The following AGAP1 variants were observed in gnomAD, a reference collection of about 807,000 sequenced individuals.
The protein encoded by AGAP1 is arf-GAP with GTPase, ANK repeat and PH domain-containing protein 1.
A neutral mutation model predicts 105.3 loss-of-function variants in AGAP1; 29 were observed. The ratio of observed to expected loss-of-function variants is 0.28; its 90% CI spans 0.21 to 0.38. The LOEUF (loss-of-function observed/expected upper bound fraction) is 0.38, where lower values mean the gene tolerates loss of function less well. Among genes scored for constraint, AGAP1 ranks in the 10% least tolerant of loss-of-function variants. AGAP1 has a pLI of 1.00. For missense variants in AGAP1, 998 were observed against 1,165.1 expected, an observed-to-expected ratio of 0.86 and a Z score of 2.09; for synonymous variants, 509 against 485.9, an observed-to-expected ratio of 1.05 and a Z score of -0.63.
rs539319542 is a variant in AGAP1 at position 235,664,420 on chromosome 2, G to A, written c.164-44759G>A. Among the ~76,000 whole-genome samples the A allele has an allele frequency of 6.6e-6, 1 of 152,100 alleles. No homozygotes were observed. Among genetic ancestry groups the A allele is most frequent in the East Asian group, 1.9e-4 (1 of 5,144 alleles). ...ATAAATATAAAAAAGATTTCACCAT[G>A]TTGGCCAGGCTGGTCTCAAACTCCT... On this transcript the variant is annotated intron_variant, in intron 1 of 17. Coordinates refer to ENST00000304032, the MANE Select transcript of AGAP1 (RefSeq NM_001037131.3). This position sits in a 1 kb window ranked among gnomAD's most constrained non-coding sequence, Gnocchi z 5.7.
At position 236,014,571 on chromosome 2, in the gene AGAP1, C is replaced by T. The variant is rs1305088066; in HGVS notation, c.1646-21990C>T. ...GTGGGTAGTTCTTTGACGTTAGATG[C>T]AATCCTGATGACCCTGCTCCACCTC... is the stretch of plus-strand genomic sequence containing the variant. On this transcript the variant is annotated intron_variant, in intron 13 of 17. Transcript: ENST00000304032. This position sits in a 1 kb window ranked among gnomAD's most constrained non-coding sequence, Gnocchi z 6.3. 6.6e-6 allele frequency among the ~76,000 whole-genome samples: 1 copy of T among 152,172 alleles called. No homozygotes were observed. Among genetic ancestry groups the T allele is most frequent in the African/African-American group, 2.4e-5 (1 of 41,454 alleles).
chr2:236,070,352 G>A (rs934732885), intron 16 of AGAP1, among the ~76,000 whole-genome samples: 2 of 152,232 alleles, frequency 1.3e-5, no homozygotes, highest in African/African-American at 2.4e-5. Flanking sequence ...AGGACTCTTA[G>A]CAGCTGAGGA....
At chr2:235,955,566 T>C (rs1030728815) in intron 12 of AGAP1, among the ~76,000 whole-genome samples, 1 of 152,198 alleles carries the variant, frequency 6.6e-6, no homozygotes, top group Non-Finnish European at 1.5e-5. Flanking sequence ...GGGAACTGAC[T>C]AAGCAAACCA....
At chr2:235,826,634 G>T (rs1258089377) in intron 9 of AGAP1, among the ~76,000 whole-genome samples, 1 of 152,106 alleles carries the variant, frequency 6.6e-6, no homozygotes, top group Non-Finnish European at 1.5e-5. Context: ...ATTTTTAGTA[G>T]AGACGGGGTT....
At chr2:235,778,609 G>T (rs1408254788) in intron 6 of AGAP1, among the ~76,000 whole-genome samples, 1 of 152,154 alleles carries the variant, frequency 6.6e-6, no homozygotes, top group Non-Finnish European at 1.5e-5. Context: ...TCTGAGGTCG[G>T]AATTCCCGGC....
At chr2:235,932,688 T>C (rs772398037) in intron 12 of AGAP1, among the ~76,000 whole-genome samples, 2 of 152,192 alleles carry the variant, frequency 1.3e-5, no homozygotes, top group Non-Finnish European at 2.9e-5. Flanking sequence ...TATACAGATT[T>C]TCCTTTTGCA....
intron 12 of AGAP1, among the ~76,000 whole-genome samples, chr2:235,939,823 A>C (rs897488182): frequency 6.6e-6 from 1 of 151,556 alleles, no homozygotes; most frequent in Non-Finnish European, 1.5e-5. Context: ...ATCCTCCTTT[A>C]CCAGCAGACC....
chr2:236,089,672 C>G lies in AGAP1; in HGVS notation c.2115-30520C>G, dbSNP rs142663556. On this transcript the variant is annotated intron_variant, in intron 16 of 17. Coordinates refer to ENST00000304032, the MANE Select transcript of AGAP1 (RefSeq NM_001037131.3). The surrounding 1 kb of genome is among the most constrained non-coding windows in gnomAD (Gnocchi z 5.6). ...AAAGGCCCTCTGCAAATTTCTGATT[C>G]CTGTACAGTCAGCATTAATATGCTG... 1.2e-3 allele frequency among the ~76,000 whole-genome samples: 186 copies of G among 152,300 alleles called. No homozygotes were observed. The highest frequency in any genetic ancestry group is 4.3e-3 in the African/African-American group (180 of 41,562).
chr2:235,890,289 G>A (rs2050476061), intron 10 of AGAP1, among the ~76,000 whole-genome samples: 1 of 151,800 alleles, frequency 6.6e-6, no homozygotes, highest in Non-Finnish European at 1.5e-5. Context: ...AAGTAGCTGG[G>A]ATTACAGGCA....
At chr2:235,583,326 T>C (rs1944995070) in intron 1 of AGAP1, among the ~76,000 whole-genome samples, 1 of 152,118 alleles carries the variant, frequency 6.6e-6, no homozygotes. Context: ...CTCATGTAAC[T>C]CTGGGGTAAC....
chr2:235,848,104 T>G (rs957095772), intron 9 of AGAP1, among the ~76,000 whole-genome samples: 9 of 152,196 alleles, frequency 5.9e-5, no homozygotes, highest in African/African-American at 2.2e-4. Flanking sequence ...CCGGTTACAC[T>G]CTCTGTCACT....
intron 13 of AGAP1, among the ~76,000 whole-genome samples, chr2:236,026,745 TAAAAG>T (rs1235052724): frequency 1.3e-5 from 2 of 151,892 alleles, no homozygotes; most frequent in African/African-American, 4.8e-5. Flanking sequence ...AAATAAAAAT[TAAAAG>T]AAGGACAGTA....
chr2:236,000,013 GA>G lies in AGAP1; in HGVS notation c.1645+31392del, dbSNP rs2056045718. 6.6e-6 allele frequency among the ~76,000 whole-genome samples: 1 copy of G among 152,110 alleles called. No individual in the cohort carries two copies. ...TCCTGCTTCTAATGACTGTCAGAAA[GA>G]ATACGTGAAGGCCAGCTTCTAGACC... On this transcript the variant is annotated intron_variant, in intron 13 of 17. Transcript: ENST00000304032. This position sits in a 1 kb window ranked among gnomAD's most constrained non-coding sequence, Gnocchi z 4.3.
intron 13 of AGAP1, among the ~76,000 whole-genome samples, chr2:235,991,879 C>T (rs970739567): frequency 2.0e-5 from 3 of 152,166 alleles, no homozygotes; most frequent in African/African-American, 7.2e-5. Context: ...CTTGTAATGT[C>T]TTCTTGAATT....
chr2:235,943,399 G>A (rs1054937140), intron 12 of AGAP1, among the ~76,000 whole-genome samples: 10 of 114,214 alleles, frequency 8.8e-5, no homozygotes, highest in African/African-American at 3.0e-4. Flanking sequence ...AGTTTCACTC[G>A]TCACCCAGGC....
intron 9 of AGAP1, among the ~76,000 whole-genome samples, chr2:235,863,942 TTCTG>T (rs1276337538): frequency 6.6e-6 from 1 of 152,134 alleles, no homozygotes; most frequent in Non-Finnish European, 1.5e-5. Flanking sequence ...TTCAGGAACT[TTCTG>T]TATTTAAAAG....
rs534688045 is a variant in AGAP1 at position 235,609,689 on chromosome 2, G to A, written c.164-99490G>A. On this transcript the variant is annotated intron_variant, in intron 1 of 17. Coordinates refer to ENST00000304032, the MANE Select transcript of AGAP1 (RefSeq NM_001037131.3). The surrounding 1 kb of genome is among the most constrained non-coding windows in gnomAD (Gnocchi z 5.1). ...CCTTATGGTAAACGTCCCTGGTTCT[G>A]TACCGGAGGAACAGGAGCTCTGGAG... Among the ~76,000 whole-genome samples the A allele has an allele frequency of 6.6e-6, 1 of 152,124 alleles. No individual in the cohort carries two copies. The highest frequency in any genetic ancestry group is 1.5e-5 in the Non-Finnish European group (1 of 68,032).
chr2:235,900,594 G>C lies in AGAP1; in HGVS notation c.1156-8144G>C, dbSNP rs149272372. ...ATACCATATATTGGACACTGATTCA[G>C]AGCATACACAGCCTTCTGGAGAACT... On this transcript the variant is annotated intron_variant, in intron 10 of 17. Transcript: ENST00000304032. This position sits in a 1 kb window ranked among gnomAD's most constrained non-coding sequence, Gnocchi z 5.5. Among the ~76,000 whole-genome samples, 897 of 152,280 alleles carry C rather than the reference G, an allele frequency of 5.9e-3. 4 individuals are homozygous for C. The highest frequency in any genetic ancestry group is 0.02 in the African/African-American group (851 of 41,550).
In AGAP1 at chr2:235,569,704, T is replaced by C. The variant is rs988122952; in HGVS notation, c.163+74855T>C. Among the ~76,000 whole-genome samples, 3 of 152,182 alleles carry C rather than the reference T, an allele frequency of 2.0e-5. No individual in the cohort carries two copies. The East Asian group carries it at 5.8e-4, about 29-fold the overall frequency. ...GTAGTCTTACACCTTTGCCAAACCC[T>C]TTCTGGGTTTTGCCCCTCACAGGAG... On this transcript the variant is annotated intron_variant, in intron 1 of 17. Coordinates refer to ENST00000304032, the MANE Select transcript of AGAP1 (RefSeq NM_001037131.3). This position sits in a 1 kb window ranked among gnomAD's most constrained non-coding sequence, Gnocchi z 5.9.
Sources: allele counts gnomAD v4.1 joint callset (sites outside exome capture counted in the v4.1 genomes callset), GRCh38; gene constraint gnomAD v4.1.1; non-coding constraint Gnocchi (gnomAD v3.1); transcripts MANE v1.5; gene names NCBI Gene and HGNC (gene_info 2026-07-23, HGNC 2026-07-21).